The following ARHGAP26 variants were observed in gnomAD, a reference collection of about 807,000 sequenced individuals.
ARHGAP26 encodes Rho GTPase activating protein 26, also known as rho GTPase-activating protein 26.
A neutral mutation model predicts 104.8 loss-of-function variants in ARHGAP26; 38 were observed. That is an observed-to-expected ratio of 0.36 (90% confidence interval 0.28 to 0.48). ARHGAP26 has a LOEUF of 0.48. Ranked by LOEUF, ARHGAP26 falls within the 20% of genes least tolerant of loss-of-function variation. ARHGAP26 has a pLI of 0.99. For synonymous variants in ARHGAP26, 341 were observed against 340.0 expected, an observed-to-expected ratio of 1.00 and a Z score of -0.03; for missense variants, 704 against 947.9, an observed-to-expected ratio of 0.74 and a Z score of 3.38.
At chr5:142,882,880 A>C (rs1371026246) in intron 4 of ARHGAP26, among the ~76,000 whole-genome samples, 1 of 152,144 alleles carries the variant, frequency 6.6e-6, no homozygotes, top group Non-Finnish European at 1.5e-5. Context: ...AGTCCTGGAG[A>C]GGGATGGTGA....
chr5:142,857,312 A>G (rs1166182410), intron 1 of ARHGAP26, among the ~76,000 whole-genome samples: 1 of 152,178 alleles, frequency 6.6e-6, no homozygotes, highest in African/African-American at 2.4e-5. Flanking sequence ...AAGTGGGTGG[A>G]CCTGTGCTAG....
At chr5:142,943,752 A>G (rs932139373) in intron 11 of ARHGAP26, among the ~76,000 whole-genome samples, 2 of 152,080 alleles carry the variant, frequency 1.3e-5, no homozygotes, top group Non-Finnish European at 2.9e-5. Context: ...TGTCCTTAGC[A>G]TTTTTTGCAA....
chr5:142,872,419 C>T (rs1391255850), intron 1 of ARHGAP26, among the ~76,000 whole-genome samples: 1 of 152,062 alleles, frequency 6.6e-6, no homozygotes, highest in Non-Finnish European at 1.5e-5. Context: ...GGACATAATG[C>T]CATTTCCCCT....
chr5:142,860,271 T>C (rs984727055), intron 1 of ARHGAP26: 2 of 152,244 alleles, frequency 1.3e-5, no homozygotes, highest in African/African-American at 4.8e-5. Flanking sequence ...GCATCTGTAC[T>C]GGTTGAATGC....
Position 143,207,315 on chromosome 5 carries a change from T to TGCA in ARHGAP26, c.2099+9_2099+11dup. 1 of 1,614,200 alleles carries TGCA rather than the reference T, an allele frequency of 6.2e-7. No homozygotes were observed. Among genetic ancestry groups the TGCA allele is most frequent in the East Asian group, 2.2e-5 (1 of 44,888 alleles). ...GCGACTCATCCCCCGTCAGGTCTGT[T>TGCA]GCAGGGTTTGTTTGGTTTTCTGTTG... On this transcript the variant is annotated splice_region_variant and intron_variant, in intron 21 of 22. Transcript: ENST00000645722.
intron 17 of ARHGAP26, among the ~76,000 whole-genome samples, chr5:143,061,698 A>C (rs537344410): frequency 6.6e-6 from 1 of 152,294 alleles, no homozygotes; most frequent in African/African-American, 2.4e-5. Context: ...CATGACACAG[A>C]ATCTGTCCTG....
At chr5:142,797,481 G>A (rs1283226993) in intron 1 of ARHGAP26, among the ~76,000 whole-genome samples, 4 of 152,218 alleles carry the variant, frequency 2.6e-5, no homozygotes, top group African/African-American at 7.2e-5. Context: ...CAGAGACTTG[G>A]ATTCTGCTTA....
chr5:142,784,704 A>G (rs1039488493), intron 1 of ARHGAP26, among the ~76,000 whole-genome samples: 3 of 152,124 alleles, frequency 2.0e-5, no homozygotes, highest in African/African-American at 7.2e-5. Flanking sequence ...GATGTTTTTT[A>G]AAAACAGCTT....
At chr5:142,908,180 G>A (rs1761374193) in intron 9 of ARHGAP26, among the ~76,000 whole-genome samples, 1 of 152,214 alleles carries the variant, frequency 6.6e-6, no homozygotes, top group African/African-American at 2.4e-5. Flanking sequence ...CAACATAGAT[G>A]TCCTGGTTAC....
At chr5:142,847,083 T>C (rs907571412) in intron 1 of ARHGAP26, among the ~76,000 whole-genome samples, 5 of 152,210 alleles carry the variant, frequency 3.3e-5, no homozygotes, top group East Asian at 1.9e-4. Context: ...CGGTGCACCT[T>C]GGGCAAATCA....
intron 1 of ARHGAP26, among the ~76,000 whole-genome samples, chr5:142,800,009 G>A (rs919684640): frequency 4.6e-5 from 7 of 152,154 alleles, no homozygotes; most frequent in South Asian, 2.1e-4. Flanking sequence ...AGTGTTAAAC[G>A]AACACTTTTG....
Position 143,012,542 on chromosome 5 carries a change from T to TATATAC in ARHGAP26, c.1108-1537_1108-1536insTATACA, listed in dbSNP as rs1206565740. Among the ~76,000 whole-genome samples the TATATAC allele has an allele frequency of 6.4e-3, 297 of 46,358 alleles. 13 individuals are homozygous for TATATAC. The highest frequency in any genetic ancestry group is 0.016 in the African/African-American group (280 of 17,032). The allele number at this position is 46,358 out of a possible 152,430, so 30.4% of individuals were successfully genotyped here. On this transcript the variant is annotated intron_variant, in intron 11 of 22. Coordinates refer to ENST00000645722, the MANE Select transcript of ARHGAP26 (RefSeq NM_001135608.3). ...GAGTCACTGGAGGGATATATTTATA[T>TATATAC]ACATACATACATATATATATATATA...
intron 12 of ARHGAP26, among the ~76,000 whole-genome samples, chr5:143,017,415 C>T (rs1338121442): frequency 1.3e-5 from 2 of 152,186 alleles, no homozygotes; most frequent in Non-Finnish European, 2.9e-5. Flanking sequence ...TTCTTCTCCT[C>T]TTCTCTATGC....
At chr5:142,948,664 A>G (rs1447806183) in intron 11 of ARHGAP26, among the ~76,000 whole-genome samples, 6 of 149,880 alleles carry the variant, frequency 4.0e-5, no homozygotes, top group Non-Finnish European at 8.9e-5. Flanking sequence ...TTTTTTTTTT[A>G]AGAACATTAA....
intron 11 of ARHGAP26, among the ~76,000 whole-genome samples, chr5:142,972,324 T>C (rs537381946): frequency 6.6e-6 from 1 of 152,168 alleles, no homozygotes; most frequent in South Asian, 2.1e-4. Flanking sequence ...TTAAGATGCT[T>C]CTTTGCTCAG....
At chr5:143,004,794 G>A (rs1777701906) in intron 11 of ARHGAP26, among the ~76,000 whole-genome samples, 2 of 152,198 alleles carry the variant, frequency 1.3e-5, no homozygotes. Flanking sequence ...AGTGAGCAGA[G>A]CCAGAGGGTG....
At chr5:143,100,053 A>G (rs1410962268) in intron 17 of ARHGAP26, among the ~76,000 whole-genome samples, 3 of 152,228 alleles carry the variant, frequency 2.0e-5, no homozygotes, top group Non-Finnish European at 2.9e-5. Flanking sequence ...GGAAATAATG[A>G]AATAGAAAAC....
intron 11 of ARHGAP26, among the ~76,000 whole-genome samples, chr5:142,969,798 T>G (rs1412705291): frequency 6.6e-6 from 1 of 152,018 alleles, no homozygotes; most frequent in Non-Finnish European, 1.5e-5. Context: ...GGAGTATGGG[T>G]TGAGGACCTC....
At chr5:142,774,326 G>C (rs1463959860) in intron 1 of ARHGAP26, among the ~76,000 whole-genome samples, 1 of 151,906 alleles carries the variant, frequency 6.6e-6, no homozygotes, top group African/African-American at 2.4e-5. Context: ...TTCTTAGTTG[G>C]ACTGAAAAAA....
Sources: gnomAD v4.1 joint callset for allele counts (sites outside exome capture counted in the v4.1 genomes callset) on GRCh38, gnomAD v4.1.1 for gene constraint, MANE v1.5 for transcripts, NCBI Gene and HGNC (gene_info 2026-07-23, HGNC 2026-07-21) for gene names.